Variants in CFAP47 observed in about 807,000 individuals in gnomAD.
CFAP47 encodes the protein cilia and flagella associated protein 47.
CFAP47 carries 29 observed loss-of-function variants against 148.1 expected under a neutral mutation model. That is an observed-to-expected ratio of 0.20 (90% CI 0.15 to 0.27). CFAP47 has a LOEUF of 0.27. Among genes scored for constraint, CFAP47 ranks in the 10% least tolerant of loss-of-function variants. The pLI, the probability that CFAP47 is intolerant of heterozygous loss-of-function variation, is 1.00. For missense variants in CFAP47, 1,872 were observed against 1,697.5 expected, an observed-to-expected ratio of 1.10 and a Z score of -1.81; for synonymous variants, 664 against 577.3, an observed-to-expected ratio of 1.15 and a Z score of -2.15.
rs1939213254 is a variant in CFAP47, at chrX:36,145,091, GTGTGTGTGTGTGTGTGTGTA to G, written c.5536-118_5536-99del. On this transcript the variant is annotated intron_variant, in intron 35 of 63. Transcript: ENST00000378653. ...TATATATATGCGTGTGTGTGTGTGT[GTGTGTGTGTGTGTGTGTGTA>G]TGTGTGTGTATGTGCATATATACAG... 8.6e-6 allele frequency: 3 copies of G among 348,549 alleles called. No individual in the cohort carries two copies. The East Asian group carries it at 1.3e-4, about 15-fold the overall frequency. 28.7% of individuals were successfully genotyped at this position (348,549 alleles called of 1,213,427 possible). A position where few individuals can be genotyped will look rare whatever the true frequency, so the allele number is the denominator to read the frequency against.
rs140415946 is a variant in CFAP47, at chrX:36,173,492, A to G, written c.6027-5853A>G. 1.9e-3 allele frequency among the ~76,000 whole-genome samples: 208 copies of G among 111,401 alleles called. 4 individuals carry two copies. The highest frequency in any genetic ancestry group is 0.017 in the East Asian group (61 of 3,540). The stretch of plus-strand genomic sequence containing the variant: ...TTGAATGTGTCCCAGAGGTTCTGGT[A>G]TGTTGTGTCTTTGTTCTCGTCGGTT... On this transcript the variant is annotated intron_variant, in intron 39 of 63. Coordinates refer to ENST00000378653, the MANE Select transcript of CFAP47 (RefSeq NM_001304548.2).
At chrX:36,346,803 A>G (rs781950681) in intron 57 of CFAP47, among the ~76,000 whole-genome samples, 1 of 111,625 alleles carries the variant, frequency 9.0e-6, no homozygotes, top group Non-Finnish European at 1.9e-5. Flanking sequence ...TTTTAAAAAG[A>G]CTTAGACGTA....
chrX:35,953,802 A>G (rs1221805002), intron 7 of CFAP47, 83 bp downstream of exon 7: 8 of 645,827 alleles, frequency 1.2e-5, no homozygotes, highest in African/African-American at 2.3e-5. Flanking sequence ...TGTAGAGACA[A>G]TCTAATAAAA....
intron 30 of CFAP47, among the ~76,000 whole-genome samples, chrX:36,093,334 A>C (rs1938217610): frequency 9.0e-6 from 1 of 111,246 alleles, no homozygotes; most frequent in African/African-American, 3.3e-5. Flanking sequence ...GAAACTCCAA[A>C]CTTTTCTCTG....
At chrX:35,984,760 G>A (rs1936692550) in intron 15 of CFAP47, among the ~76,000 whole-genome samples, 1 of 111,644 alleles carries the variant, frequency 9.0e-6, no homozygotes, top group Non-Finnish European at 1.9e-5. Context: ...ATGGTTTTGA[G>A]CAACCTTCTT....
At chrX:36,018,527 GT>G (rs1009576521) in intron 22 of CFAP47, among the ~76,000 whole-genome samples, 5 of 111,729 alleles carry the variant, frequency 4.5e-5, no homozygotes, top group Non-Finnish European at 7.5e-5. Flanking sequence ...TCTATCTCCA[GT>G]TTTTTGAGGG....
At chrX:36,279,180 G>A (rs781987217) in intron 49 of CFAP47, among the ~76,000 whole-genome samples, 1 of 111,927 alleles carries the variant, frequency 8.9e-6, no homozygotes, top group South Asian at 3.7e-4. Context: ...CATAAATAAA[G>A]ATGTCATTTA....
intron 22 of CFAP47, among the ~76,000 whole-genome samples, chrX:36,019,770 A>G (rs1391781052): frequency 1.8e-5 from 2 of 111,841 alleles, no homozygotes; most frequent in Non-Finnish European, 3.8e-5. Context: ...CTGCAGTATC[A>G]GTTGTAATAA....
Position 36,049,488 on chromosome X carries a change from T to TCACACACA in CFAP47, c.4217+2457_4217+2464dup, listed in dbSNP as rs397895931. Among the ~76,000 whole-genome samples, 177 of 92,272 alleles carry TCACACACA rather than the reference T, an allele frequency of 1.9e-3. 1 individual carries two copies. Among genetic ancestry groups the TCACACACA allele is most frequent in the East Asian group, 4.7e-3 (12 of 2,572 alleles). The allele number at this position is 92,272 out of a possible 115,157, so 80.1% of individuals were successfully genotyped here. The stretch of plus-strand genomic sequence containing the variant: ...ACTCTTCTGCATGTATTTCTCTCTC[T>TCACACACA]CACACACACACACACACACACACAC... On this transcript the variant is annotated intron_variant, in intron 26 of 63. Transcript: ENST00000378653.
chrX:36,158,877 C>T (rs1939398445), intron 37 of CFAP47, among the ~76,000 whole-genome samples: 1 of 111,323 alleles, frequency 9.0e-6, no homozygotes, highest in South Asian at 3.8e-4. Context: ...ATGGAATCTC[C>T]AAATCCATAG....
At chrX:35,924,203 ACATGTATGTGTG>A (rs1192454274) in intron 1 of CFAP47, among the ~76,000 whole-genome samples, 1 of 105,071 alleles carries the variant, frequency 9.5e-6, no homozygotes, top group Non-Finnish European at 1.9e-5. Flanking sequence ...GTATATATGG[ACATGTATGTGTG>A]CATGTATGTG....
chrX:36,035,855 G>GT lies in CFAP47; in HGVS notation c.3811+2dup. The GT allele has an allele frequency of 3.4e-6, 1 of 295,421 alleles. No individual in the cohort carries two copies. Among genetic ancestry groups the GT allele is most frequent in the Non-Finnish European group, 5.9e-6 (1 of 168,963 alleles). 24.3% of individuals were successfully genotyped at this position (295,421 alleles called of 1,213,427 possible). Reference sequence around the variant, plus strand: ...AATGTTTCCATAAGTTTCTGTCCAAGTAAGATATTTTCTCCTATATTTGTA... The same window carrying GT: ...AATGTTTCCATAAGTTTCTGTCCAAGTTAAGATATTTTCTCCTATATTTGTA... On this transcript the variant is annotated splice_donor_variant, in intron 24 of 63. Coordinates refer to ENST00000378653, the MANE Select transcript of CFAP47 (RefSeq NM_001304548.2). LOFTEE classifies it high-confidence loss of function.
intron 14 of CFAP47, 127 bp downstream of exon 14, chrX:35,975,490 A>C: frequency 1.6e-6 from 1 of 615,472 alleles, no homozygotes; most frequent in Non-Finnish European, 2.5e-6. Context: ...CTATATGTGC[A>C]TCAATTTTTA....
chrX:36,167,852 C>T (rs1939511386), intron 39 of CFAP47, among the ~76,000 whole-genome samples: 1 of 111,602 alleles, frequency 9.0e-6, no homozygotes, highest in Non-Finnish European at 1.9e-5. Flanking sequence ...TCTTAATTTC[C>T]TGTATGCCCT....
intron 29 of CFAP47, among the ~76,000 whole-genome samples, chrX:36,079,495 C>T (rs1937931789): frequency 9.0e-6 from 1 of 111,510 alleles, no homozygotes; most frequent in African/African-American, 3.3e-5. Flanking sequence ...GCATGCATCA[C>T]GTAGTTCTAG....
At chrX:35,996,775 A>G (rs1936852486) in intron 18 of CFAP47, among the ~76,000 whole-genome samples, 1 of 111,701 alleles carries the variant, frequency 9.0e-6, no homozygotes, top group Non-Finnish European at 1.9e-5. Context: ...GGCCTCTGCA[A>G]GAGTCAGTTT....
At chrX:36,380,705 A>C (rs187712078) in intron 63 of CFAP47, among the ~76,000 whole-genome samples, 32 of 112,674 alleles carry the variant, frequency 2.8e-4, no homozygotes, top group African/African-American at 1.0e-3. Context: ...GGCCTCCCAA[A>C]GTCCTGGGAT....
intron 18 of CFAP47, among the ~76,000 whole-genome samples, chrX:35,995,082 C>A (rs1237262713): frequency 9.0e-6 from 1 of 110,785 alleles, no homozygotes; most frequent in African/African-American, 3.3e-5. Flanking sequence ...CTAAAAGACA[C>A]CTGAAGTTAA....
chrX:35,936,414 CA>C (rs1354140377), intron 2 of CFAP47, among the ~76,000 whole-genome samples: 2 of 104,557 alleles, frequency 1.9e-5, no homozygotes, highest in Admixed American at 2.1e-4. Context: ...TCATTAGTTT[CA>C]AAAAAACTTG....
Sources: gnomAD v4.1 joint callset for allele counts (sites outside exome capture counted in the v4.1 genomes callset) on GRCh38, gnomAD v4.1.1 for gene constraint, MANE v1.5 for transcripts, NCBI Gene and HGNC (gene_info 2026-07-23, HGNC 2026-07-21) for gene names.